Variants in CSF2RA observed in about 807,000 individuals in gnomAD.
CSF2RA encodes the protein granulocyte-macrophage colony-stimulating factor receptor subunit alpha.
Under a neutral mutation model 51.6 loss-of-function variants are expected in CSF2RA, and 42 were observed. The ratio of observed to expected loss-of-function variants is 0.81; its 90% CI spans 0.64 to 1.05. The LOEUF (loss-of-function observed/expected upper bound fraction) is 1.05, where lower values mean the gene tolerates loss of function less well. CSF2RA is among the 50% of genes least tolerant of loss of function. The pLI is 0.00. For missense variants in CSF2RA, 530 were observed against 501.1 expected, an observed-to-expected ratio of 1.06 and a Z score of -0.55; for synonymous variants, 222 against 193.0, an observed-to-expected ratio of 1.15 and a Z score of -1.24.
intron 7 of CSF2RA, among the ~76,000 whole-genome samples, chrX:1,290,797 G>A (rs768924409): frequency 1.2e-4 from 19 of 152,212 alleles, no homozygotes; most frequent in African/African-American, 4.3e-4. Context: ...GGAGGCGGAC[G>A]TTGCAATGAG....
chrX:1,305,826 A>C, intron 12 of CSF2RA: 1 of 1,531,654 alleles, frequency 6.5e-7, no homozygotes, highest in East Asian at 2.5e-5. Context: ...CATGCCTGTC[A>C]TCCCAGCACT....
intron 4 of CSF2RA, among the ~76,000 whole-genome samples, chrX:1,286,267 T>C (rs62603276): frequency 0.23 from 32,361 of 142,914 alleles, 3,600 homozygotes; most frequent in Middle Eastern, 0.33. Context: ...AGCGAGACTC[T>C]GTCTCATAAA....
chrX:1,275,350 C>T (rs759860736), intron 2 of CSF2RA, among the ~76,000 whole-genome samples: 1 of 151,630 alleles, frequency 6.6e-6, no homozygotes, highest in African/African-American at 2.4e-5. Flanking sequence ...AAGATCGCGC[C>T]ACTGCACTCC....
In CSF2RA at chrX:1,282,727, TC is replaced by T; in HGVS notation, c.25del (p.Leu9CysfsTer12). On this transcript the variant is annotated frameshift_variant, in exon 3 of 13. Coordinates refer to ENST00000381529, the MANE Select transcript of CSF2RA (RefSeq NM_172245.4). LOFTEE classifies it high-confidence loss of function. MLLLVTSL[L>X]LCELPHPAFL... is the part of the protein sequence containing the mutation. ...CCATGCTTCTCCTGGTGACAAGCCT[TC>T]TGCTCTGTGAGTTACCACACCCAGC... 6.2e-7 allele frequency: 1 copy of T among 1,613,886 alleles called. No individual in the cohort carries two copies. The highest frequency in any genetic ancestry group is 8.5e-7 in the Non-Finnish European group (1 of 1,179,812).
chrX:1,269,922 A>G (rs1490620897), intron 1 of CSF2RA, among the ~76,000 whole-genome samples: 2 of 152,116 alleles, frequency 1.3e-5, no homozygotes, highest in Non-Finnish European at 2.9e-5. Context: ...AGCTTGGCCA[A>G]CATGGCAAAA....
intron 3 of CSF2RA, 126 bp from the exon 4 acceptor site, chrX:1,285,650 TGA>T: frequency 1.8e-6 from 2 of 1,125,862 alleles, no homozygotes; most frequent in Non-Finnish European, 2.5e-6. Flanking sequence ...TGCAGTGACC[TGA>T]GATCACAGCA....
chrX:1,275,838 ACCC>A (rs1392033439), intron 2 of CSF2RA, among the ~76,000 whole-genome samples: 3 of 151,644 alleles, frequency 2.0e-5, no homozygotes, highest in Non-Finnish European at 2.9e-5. Flanking sequence ...GATTACAGGC[ACCC>A]GCCACCACGC....
At chrX:1,286,382 A>G (rs1434587376) in intron 4 of CSF2RA, among the ~76,000 whole-genome samples, 3 of 152,120 alleles carry the variant, frequency 2.0e-5, no homozygotes, top group Non-Finnish European at 2.9e-5. Context: ...CAGGCTGACC[A>G]ACATGGTGAA....
intron 3 of CSF2RA, among the ~76,000 whole-genome samples, chrX:1,285,112 C>T (rs28372582): frequency 6.6e-6 from 1 of 151,886 alleles, no homozygotes; most frequent in Non-Finnish European, 1.5e-5. Flanking sequence ...GTTGCCCAGG[C>T]GGGATCTGAA....
downstream of CSF2RA, chrX:1,310,146 C>T (rs2084096298): frequency 4.2e-6 from 1 of 235,832 alleles, no homozygotes; most frequent in Non-Finnish European, 8.0e-6. Flanking sequence ...ATGATTGCAC[C>T]GTTGCACTCC....
chrX:1,299,195 G>A (rs2092211854), intron 9 of CSF2RA, among the ~76,000 whole-genome samples: 3 of 151,888 alleles, frequency 2.0e-5, no homozygotes, highest in African/African-American at 7.3e-5. Context: ...TTTCCTCTAC[G>A]TGGGTTAAGA....
chrX:1,316,265 G>T, the CSF2RA span, among the ~76,000 whole-genome samples: 1 of 113,992 alleles, frequency 8.8e-6, no homozygotes, highest in African/African-American at 3.6e-5. Context: ...ATAGATGATA[G>T]ATAGATAGAT....
chrX:1,298,880 G>A (rs1472449638), intron 9 of CSF2RA, among the ~76,000 whole-genome samples: 6 of 151,994 alleles, frequency 3.9e-5, no homozygotes, highest in Middle Eastern at 3.4e-3. Context: ...CCTGCCCCAC[G>A]TCTACCTGGA....
chrX:1,316,114 TAGATACATAGAC>T, the CSF2RA span, among the ~76,000 whole-genome samples: 3 of 134,604 alleles, frequency 2.2e-5, no homozygotes, highest in African/African-American at 7.8e-5. Context: ...CATAGATACA[TAGATACATAGAC>T]AGATACATAG....
At chrX:1,314,963 C>CCCCACTGTGCCTGCCCAAT (rs1387526597), downstream of CSF2RA, among the ~76,000 whole-genome samples, 5 of 108,286 alleles carry the variant, frequency 4.6e-5, no homozygotes, top group African/African-American at 1.3e-4. Flanking sequence ...GCCTGCCCAA[C>CCCCACTGTGCCTGCCCAAT]CCCACTGTGC....
At chrX:1,301,248 C>G (rs1352311547) in intron 10 of CSF2RA, among the ~76,000 whole-genome samples, 4 of 140,076 alleles carry the variant, frequency 2.9e-5, no homozygotes, top group East Asian at 4.5e-4. Flanking sequence ...AGGAGAATGA[C>G]TTGAACCCGG....
At chrX:1,306,109 G>C (rs2083542376) in intron 12 of CSF2RA, among the ~76,000 whole-genome samples, 1 of 151,236 alleles carries the variant, frequency 6.6e-6, no homozygotes, top group African/African-American at 2.4e-5. Context: ...AGAGAGGAGA[G>C]GCAGAAATAG....
Position 1,274,751 on chromosome X carries a change from A to G in CSF2RA, c.-90-4A>G, listed in dbSNP as rs1423796805. 1 of 453,200 alleles carries G rather than the reference A, an allele frequency of 2.2e-6. No homozygotes were observed. The highest frequency in any genetic ancestry group is 4.4e-6 in the Non-Finnish European group (1 of 226,676). The allele number at this position is 453,200 out of a possible 1,614,324, so 28.1% of individuals were successfully genotyped here. The stretch of plus-strand genomic sequence containing the variant: ...GGGTCCTGAGACTTATTTACCTTTC[A>G]CAGTTTACAGCAGGAAAATCCGTGG... On this transcript the variant is annotated splice_region_variant and splice_polypyrimidine_tract_variant and intron_variant, in intron 1 of 12. Coordinates refer to ENST00000381529, the MANE Select transcript of CSF2RA (RefSeq NM_172245.4).
Position 1,309,761 on chromosome X carries a change from G to A in CSF2RA, c.*282G>A, listed in dbSNP as rs781381298. 100 of 671,574 alleles carry A rather than the reference G, an allele frequency of 1.5e-4. No individual in the cohort carries two copies. The highest frequency in any genetic ancestry group is 1.3e-3 in the Admixed American group (57 of 42,726). The allele number at this position is 671,574 out of a possible 1,614,324, so 41.6% of individuals were successfully genotyped here. A position where few individuals can be genotyped will look rare whatever the true frequency, so the allele number is the denominator to read the frequency against. On this transcript the variant is annotated 3_prime_UTR_variant, in exon 13 of 13. Coordinates refer to ENST00000381529, the MANE Select transcript of CSF2RA (RefSeq NM_172245.4). ...AATTTACCCAGGCACGGCGGCGGAC[G>A]CCCATCATCCCAGCTACTTGGGAGG... is the stretch of plus-strand genomic sequence containing the variant.
Sources: allele counts gnomAD v4.1 joint callset (sites outside exome capture counted in the v4.1 genomes callset), GRCh38; gene constraint gnomAD v4.1.1; transcripts MANE v1.5; gene names NCBI Gene and HGNC (gene_info 2026-07-23, HGNC 2026-07-21).